The following NEK1 variants were observed in gnomAD, a reference collection of about 807,000 sequenced individuals.
The protein encoded by NEK1 is serine/threonine-protein kinase Nek1.
In NEK1, 137 loss-of-function variants were observed where a neutral mutation model predicts 182.1. That is an observed-to-expected ratio of 0.75 (90% confidence interval 0.65 to 0.87). The LOEUF is 0.87. Among genes scored for constraint, NEK1 ranks in the 40% least tolerant of loss-of-function variants. The pLI is 0.00. For missense variants in NEK1, 1,391 were observed against 1,494.4 expected, an observed-to-expected ratio of 0.93 and a Z score of 1.14; for synonymous variants, 513 against 492.2, an observed-to-expected ratio of 1.04 and a Z score of -0.56.
At chr4:169,445,666 C>T (rs1446983212) in intron 27 of NEK1, among the ~76,000 whole-genome samples, 3 of 150,932 alleles carry the variant, frequency 2.0e-5, no homozygotes, top group Non-Finnish European at 4.4e-5. Context: ...ATGATGAGGA[C>T]TCCAAAAGGA....
At chr4:169,599,323 A>G (rs1056112365) in intron 4 of NEK1, 126 bp from the exon 5 acceptor site, 13 of 621,262 alleles carry the variant, frequency 2.1e-5, no homozygotes, top group Non-Finnish European at 3.6e-5. Flanking sequence ...ACTCAAAAGA[A>G]TTAGGGCACA....
At chr4:169,465,915 G>A (rs987624497) in intron 26 of NEK1, among the ~76,000 whole-genome samples, 4 of 151,836 alleles carry the variant, frequency 2.6e-5, no homozygotes, top group Admixed American at 1.3e-4. Flanking sequence ...AAAATACATA[G>A]CACAAATATT....
intron 23 of NEK1, among the ~76,000 whole-genome samples, chr4:169,487,538 C>T (rs940403823): frequency 6.6e-6 from 1 of 152,066 alleles, no homozygotes; most frequent in Non-Finnish European, 1.5e-5. Flanking sequence ...GTATATGTAC[C>T]GTGTTTTCTT....
chr4:169,597,056 T>A (rs1360292443), intron 5 of NEK1, among the ~76,000 whole-genome samples: 1 of 152,156 alleles, frequency 6.6e-6, no homozygotes, highest in African/African-American at 2.4e-5. Flanking sequence ...AAAATATCAA[T>A]GTGCTTTATA....
chr4:169,543,574 G>T (rs1759834898), intron 18 of NEK1, among the ~76,000 whole-genome samples: 1 of 152,132 alleles, frequency 6.6e-6, no homozygotes, highest in African/African-American at 2.4e-5. Flanking sequence ...AATTACTTTG[G>T]GCAGTATAGT....
intron 27 of NEK1, among the ~76,000 whole-genome samples, chr4:169,446,645 C>T (rs1418573094): frequency 2.0e-5 from 3 of 151,974 alleles, no homozygotes; most frequent in African/African-American, 7.3e-5. Flanking sequence ...TTTAAGGAAA[C>T]TCAATGAAAT....
intron 19 of NEK1, among the ~76,000 whole-genome samples, chr4:169,534,658 A>G (rs1758171335): frequency 6.6e-6 from 1 of 152,246 alleles, no homozygotes; most frequent in African/African-American, 2.4e-5. Context: ...GTGCTATAGC[A>G]GTGAGGCCAA....
chr4:169,506,889 A>C (rs1000855887), intron 23 of NEK1, 148 bp downstream of exon 23: 2 of 421,044 alleles, frequency 4.8e-6, no homozygotes, highest in Non-Finnish European at 8.3e-6. Context: ...TGAGAAAGAG[A>C]GAGGTAATGA....
chr4:169,606,587 T>C (rs1771375148), intron 2 of NEK1, among the ~76,000 whole-genome samples: 2 of 152,132 alleles, frequency 1.3e-5, no homozygotes. Context: ...GTCAGACACT[T>C]AGTTTGCCTC....
chr4:169,450,781 T>C (rs1741563786), intron 27 of NEK1, among the ~76,000 whole-genome samples: 1 of 152,182 alleles, frequency 6.6e-6, no homozygotes, highest in Non-Finnish European at 1.5e-5. Flanking sequence ...AACATCATAA[T>C]GACAGGATCA....
At chr4:169,447,723 G>C (rs566272347) in intron 27 of NEK1, among the ~76,000 whole-genome samples, 1 of 152,082 alleles carries the variant, frequency 6.6e-6, no homozygotes, top group South Asian at 2.1e-4. Context: ...AAAAAAATTA[G>C]CCAGGTGTGG....
In NEK1 at chr4:169,406,678, C is replaced by T. The variant is rs2111102736; in HGVS notation, c.3292G>A (p.Gly1098Arg). The T allele has an allele frequency of 6.2e-7, 1 of 1,609,864 alleles. No individual in the cohort carries two copies. The highest frequency in any genetic ancestry group is 8.5e-7 in the Non-Finnish European group (1 of 1,177,676). Residue 1098 changes from glycine to arginine, a missense_variant, in exon 32 of 36, where the codon GGA becomes AGA. Gly to Arg is a moderately radical substitution (Grantham distance 125). Coordinates refer to ENST00000507142, the MANE Select transcript of NEK1 (RefSeq NM_001199397.3). ...TCAAGATTGTCTTGACGAACATCTC[C>T]TACGGTGGGAACATCCATAAGGGTT... ...FRTLMDVPTV[G>R]DVRQDNLEID...
At position 169,431,700 on chromosome 4, in the gene NEK1, G is replaced by A. The variant is rs145386559; in HGVS notation, c.2885+1845C>T. Among the ~76,000 whole-genome samples, 4 of 151,834 alleles carry A rather than the reference G, an allele frequency of 2.6e-5. No individual in the cohort carries two copies. In the East Asian group the frequency reaches 5.8e-4, roughly 22 times the overall value. On this transcript the variant is annotated intron_variant, in intron 29 of 35. Coordinates refer to ENST00000507142, the MANE Select transcript of NEK1 (RefSeq NM_001199397.3). ...TCCCAGCTCTTTGGGAGGCCAAGGC[G>A]GGAGGATTGTTTCAGGCCAGGAGTT...
chr4:169,592,246 CAG>C (rs1768647194), intron 5 of NEK1, among the ~76,000 whole-genome samples: 1 of 151,966 alleles, frequency 6.6e-6, no homozygotes, highest in Non-Finnish European at 1.5e-5. Context: ...CAAATAATAT[CAG>C]AAATATAAAA....
At chr4:169,481,472 G>T (rs2149566884) in intron 23 of NEK1, among the ~76,000 whole-genome samples, 1 of 152,268 alleles carries the variant, frequency 6.6e-6, no homozygotes, top group South Asian at 2.1e-4. Context: ...TGATACATTG[G>T]CTGCAGAATG....
chr4:169,554,574 A>G (rs927053092), intron 18 of NEK1: 11 of 152,200 alleles, frequency 7.2e-5, no homozygotes, highest in African/African-American at 2.4e-4. Flanking sequence ...GAAAGGCCAC[A>G]TACTATATGA....
rs575294972 is a variant in NEK1, at chr4:169,540,991, C to T, written c.1563-3080G>A. Among the ~76,000 whole-genome samples the T allele has an allele frequency of 9.9e-5, 15 of 152,108 alleles. No homozygotes were observed. In the South Asian group the frequency reaches 2.3e-3, roughly 23 times the overall value. On this transcript the variant is annotated intron_variant, in intron 18 of 35. Coordinates refer to ENST00000507142, the MANE Select transcript of NEK1 (RefSeq NM_001199397.3). ...ATTTGGCTGGGAACTGCATGCCTCA[C>T]ATCCATGGTTCAAATTCTTTACTGA...
chr4:169,538,884 T>C (rs1758929389), intron 18 of NEK1, among the ~76,000 whole-genome samples: 1 of 152,180 alleles, frequency 6.6e-6, no homozygotes, highest in African/African-American at 2.4e-5. Context: ...TAACTGCTTC[T>C]TTTACATTCT....
intron 23 of NEK1, among the ~76,000 whole-genome samples, chr4:169,499,977 G>A (rs1366836834): frequency 6.6e-6 from 1 of 152,158 alleles, no homozygotes; most frequent in Non-Finnish European, 1.5e-5. Context: ...CCTTTTGTTT[G>A]GCTATGCCCT....
Sources: gnomAD v4.1 joint callset for allele counts (sites outside exome capture counted in the v4.1 genomes callset) on GRCh38, gnomAD v4.1.1 for gene constraint, MANE v1.5 for transcripts, NCBI Gene and HGNC (gene_info 2026-07-23, HGNC 2026-07-21) for gene names.